CIRSR: variants seen among roughly 807,000 people sequenced by gnomAD.
CIRSR encodes the protein corepressor of RBPJ and splicing regulator.
chr2:174,389,871 A>T, the CIRSR span, among the ~76,000 whole-genome samples: 1 of 152,168 alleles, frequency 6.6e-6, no homozygotes, highest in Non-Finnish European at 1.5e-5. Context: ...CTTCCATGTG[A>T]TGTTGGGCCT....
the CIRSR span, among the ~76,000 whole-genome samples, chr2:174,388,629 T>C: frequency 6.6e-6 from 1 of 152,322 alleles, no homozygotes; most frequent in South Asian, 2.1e-4. Context: ...TTCTAATATA[T>C]ATATATATGC....
At chr2:174,373,216 T>C in the CIRSR span, among the ~76,000 whole-genome samples, 8 of 152,220 alleles carry the variant, frequency 5.3e-5, no homozygotes, top group African/African-American at 1.9e-4. Context: ...AAATATCCAA[T>C]GTATTTACAA....
At chr2:174,362,331 A>G in the CIRSR span, among the ~76,000 whole-genome samples, 3 of 150,792 alleles carry the variant, frequency 2.0e-5, no homozygotes, top group African/African-American at 4.9e-5. Flanking sequence ...AAAAACAAAA[A>G]CAAAAAATTA....
the CIRSR span, among the ~76,000 whole-genome samples, chr2:174,377,875 C>T: frequency 0.6 from 88,103 of 148,048 alleles, 26,990 homozygotes; most frequent in East Asian, 0.72. Flanking sequence ...ATTCCTAAAC[C>T]CCTAATAGGA....
chr2:174,385,717 G>C, the CIRSR span, among the ~76,000 whole-genome samples: 3 of 151,744 alleles, frequency 2.0e-5, no homozygotes, highest in Non-Finnish European at 4.4e-5. Flanking sequence ...GAAACAACTG[G>C]AGCAAGAAAA....
At chr2:174,375,429 GAAACCCCATC>G in the CIRSR span, among the ~76,000 whole-genome samples, 1 of 152,156 alleles carries the variant, frequency 6.6e-6, no homozygotes, top group Non-Finnish European at 1.5e-5. Flanking sequence ...GCAACATGGT[GAAACCCCATC>G]TCTACAAAAA....
chr2:174,354,692 AATAC>A, the CIRSR span, among the ~76,000 whole-genome samples: 1 of 99,938 alleles, frequency 1.0e-5, no homozygotes, highest in Non-Finnish European at 1.9e-5. Flanking sequence ...TATATTATAT[AATAC>A]ATATATTATA....
chr2:174,349,003 TACTCTC>T, the CIRSR span: 7 of 1,597,848 alleles, frequency 4.4e-6, no homozygotes, highest in African/African-American at 4.1e-5. Flanking sequence ...TCTTTATTGT[TACTCTC>T]ACTCTCACTA....
At chr2:174,380,893 C>A in the CIRSR span, 1 of 1,093,402 alleles carries the variant, frequency 9.1e-7, no homozygotes, top group Non-Finnish European at 1.3e-6. Flanking sequence ...ACTGTATACA[C>A]TATGATATCA....
At chr2:174,360,223 A>C in the CIRSR span, among the ~76,000 whole-genome samples, 1 of 151,968 alleles carries the variant, frequency 6.6e-6, no homozygotes, top group African/African-American at 2.4e-5. Flanking sequence ...AATTTTAAAA[A>C]ACTGGTGTGT....
At chr2:174,348,731 T>G in the CIRSR span, 4 of 1,614,210 alleles carry the variant, frequency 2.5e-6, no homozygotes, top group African/African-American at 1.3e-5. Context: ...TCCCCTCCTT[T>G]CTTTCAGAGC....
the CIRSR span, among the ~76,000 whole-genome samples, chr2:174,375,266 A>T: frequency 1.0e-3 from 153 of 152,322 alleles, 1 homozygote; most frequent in East Asian, 0.011. Flanking sequence ...ATCAGCAAAT[A>T]TATAACCTCT....
At chr2:174,376,776 T>C in the CIRSR span, among the ~76,000 whole-genome samples, 1 of 114,524 alleles carries the variant, frequency 8.7e-6, no homozygotes, top group Admixed American at 1.2e-4. Flanking sequence ...CCAGCCTGGG[T>C]GGCAAAGCGA....
chr2:174,363,623 T>C, the CIRSR span, among the ~76,000 whole-genome samples: 2 of 152,188 alleles, frequency 1.3e-5, no homozygotes, highest in Non-Finnish European at 2.9e-5. Flanking sequence ...ATTGGACTTA[T>C]AGTTCCACGT....
chr2:174,393,917 G>A, the CIRSR span, among the ~76,000 whole-genome samples: 1 of 152,010 alleles, frequency 6.6e-6, no homozygotes, highest in Non-Finnish European at 1.5e-5. Flanking sequence ...AATGCTAGAG[G>A]TCACCCCCTC....
the CIRSR span, among the ~76,000 whole-genome samples, chr2:174,361,960 T>C: frequency 6.6e-6 from 1 of 152,202 alleles, no homozygotes; most frequent in Non-Finnish European, 1.5e-5. Flanking sequence ...TATTATCCTA[T>C]CTACTCAGTC....
At chr2:174,387,562 A>T in the CIRSR span, 1 of 1,063,340 alleles carries the variant, frequency 9.4e-7, no homozygotes, top group Non-Finnish European at 1.3e-6. Context: ...GCCCTCACGG[A>T]AAGACACGAA....
At chr2:174,348,306 T>G in the CIRSR span, 1 of 820,158 alleles carries the variant, frequency 1.2e-6, no homozygotes, top group Non-Finnish European at 1.7e-6. Context: ...TTTGCAAAAT[T>G]CATTCTTATA....
chr2:174,349,266 T>C, the CIRSR span: 1 of 802,308 alleles, frequency 1.2e-6, no homozygotes, highest in Non-Finnish European at 1.8e-6. Context: ...TCTTAGAAGT[T>C]ATTAAAAATA....
Sources: gnomAD v4.1 joint callset for allele counts (sites outside exome capture counted in the v4.1 genomes callset) on GRCh38, gnomAD v4.1.1 for gene constraint, MANE v1.5 for transcripts, NCBI Gene and HGNC (gene_info 2026-07-23, HGNC 2026-07-21) for gene names.